SIPA1L1: variants seen among roughly 807,000 people sequenced by gnomAD.
SIPA1L1 encodes the protein signal induced proliferation associated 1 like 1.
In SIPA1L1, 26 loss-of-function variants were observed where a neutral mutation model predicts 162.7. That is an observed-to-expected ratio of 0.16 (90% confidence interval 0.12 to 0.22). The LOEUF is 0.22. SIPA1L1 is among the 10% of genes least tolerant of loss of function. SIPA1L1 has a pLI of 1.00. For missense variants in SIPA1L1, 1,874 were observed against 2,241.0 expected (o/e 0.84, Z 3.31); for synonymous variants, 829 against 837.4 (o/e 0.99, Z 0.17).
At chr14:71,638,952 T>A (rs2041434582) in intron 7 of SIPA1L1, among the ~76,000 whole-genome samples, 1 of 152,028 alleles carries the variant, frequency 6.6e-6, no homozygotes. Flanking sequence ...TAATCCCAGA[T>A]AGTCAGGAAG....
chr14:71,509,029 C>T (rs1403375025), intron 2 of SIPA1L1, among the ~76,000 whole-genome samples: 2 of 152,244 alleles, frequency 1.3e-5, no homozygotes, highest in East Asian at 3.8e-4. Context: ...CCTGCTGCTT[C>T]TCCCAGAATC....
intron 2 of SIPA1L1, among the ~76,000 whole-genome samples, chr14:71,382,821 G>T (rs928504262): frequency 1.3e-5 from 2 of 152,168 alleles, no homozygotes; most frequent in African/African-American, 4.8e-5. Context: ...AGATCAGTAA[G>T]ATATAGTTTC....
chr14:71,343,331 T>A (rs943334484), intron 2 of SIPA1L1, among the ~76,000 whole-genome samples: 6 of 152,232 alleles, frequency 3.9e-5, no homozygotes, highest in African/African-American at 1.4e-4. Flanking sequence ...AGCTGTTTCA[T>A]GTCAGGCGCT....
chr14:71,365,973 G>A (rs1232586953), intron 2 of SIPA1L1, among the ~76,000 whole-genome samples: 1 of 148,318 alleles, frequency 6.7e-6, no homozygotes, highest in Admixed American at 6.9e-5. Flanking sequence ...CCGTCCTCCT[G>A]CCTCTGCCTT....
intron 5 of SIPA1L1, among the ~76,000 whole-genome samples, chr14:71,610,742 A>G (rs1302735748): frequency 6.6e-6 from 1 of 152,166 alleles, no homozygotes; most frequent in East Asian, 1.9e-4. Context: ...GATGCAATTT[A>G]TTAATATCAA....
At chr14:71,327,201 G>A (rs2033934973) in intron 2 of SIPA1L1, among the ~76,000 whole-genome samples, 5 of 150,624 alleles carry the variant, frequency 3.3e-5, no homozygotes, top group Admixed American at 3.3e-4. Flanking sequence ...TCCTGCAACA[G>A]CCTCCTGAGT....
At position 71,552,230 on chromosome 14, in the gene SIPA1L1, G is replaced by A. The variant is rs186490948; in HGVS notation, c.-303+22860G>A. ...AAACTTTGAGATCTTGAAAGTTTTAGCAAGCAAGAACCAGTAAGTGGAAAT... is the reference window on the plus strand; with the variant it reads ...AAACTTTGAGATCTTGAAAGTTTTAACAAGCAAGAACCAGTAAGTGGAAAT... On this transcript the variant is annotated intron_variant, in intron 4 of 23. Coordinates refer to ENST00000381232, the MANE Select transcript of SIPA1L1 (RefSeq NM_001386936.1). 4.0e-4 allele frequency among the ~76,000 whole-genome samples: 61 copies of A among 152,230 alleles called. No homozygotes were observed. In the East Asian group the frequency reaches 9.3e-3, roughly 23 times the overall value.
intron 4 of SIPA1L1, among the ~76,000 whole-genome samples, chr14:71,584,757 A>G (rs965595108): frequency 6.6e-6 from 1 of 152,250 alleles, no homozygotes; most frequent in African/African-American, 2.4e-5. Context: ...CTTAGATAGT[A>G]TCTAGAGCTG....
chr14:71,427,710 G>A (rs2043680286), intron 2 of SIPA1L1, among the ~76,000 whole-genome samples: 1 of 151,754 alleles, frequency 6.6e-6, no homozygotes, highest in South Asian at 2.1e-4. Flanking sequence ...TTCCCTCAGT[G>A]GATTTTTCAT....
intron 2 of SIPA1L1, among the ~76,000 whole-genome samples, chr14:71,464,375 G>A (rs1038827533): frequency 6.6e-6 from 1 of 152,218 alleles, no homozygotes; most frequent in Admixed American, 6.5e-5. Flanking sequence ...AGGCATGGCA[G>A]CTCACGCCTG....
chr14:71,424,674 A>G (rs1302692427), intron 2 of SIPA1L1, among the ~76,000 whole-genome samples: 1 of 151,966 alleles, frequency 6.6e-6, no homozygotes, highest in African/African-American at 2.4e-5. Context: ...CAGTTTGCCA[A>G]TATTTTGTTG....
At chr14:71,433,359 C>T (rs111688124) in intron 2 of SIPA1L1, among the ~76,000 whole-genome samples, 70 of 152,274 alleles carry the variant, frequency 4.6e-4, no homozygotes, top group African/African-American at 1.5e-3. Flanking sequence ...TTCTCTTTTC[C>T]GGACTGGAGT....
At position 71,587,990 on chromosome 14, in the gene SIPA1L1, C is replaced by A; in HGVS notation, c.118C>A (p.Arg40=). Residue 40 remains arginine, a synonymous_variant, in exon 5 of 24, where the codon CGG becomes AGG. Transcript: ENST00000381232. ...HTDDFYMRRF[R]SQNGSLGSSV... is the part of the protein sequence containing the mutation. ...TGATGATTTCTACATGCGGCGCTTCCGGTCCCAAAATGGCAGCTTAGGATC... is the reference window on the plus strand; with the variant it reads ...TGATGATTTCTACATGCGGCGCTTCAGGTCCCAAAATGGCAGCTTAGGATC... The A allele has an allele frequency of 1.2e-6, 2 of 1,614,092 alleles. No individual in the cohort carries two copies. The highest frequency in any genetic ancestry group is 2.2e-5 in the South Asian group (2 of 91,078).
At chr14:71,573,756 C>T (rs764473025) in intron 4 of SIPA1L1, 2 of 455,796 alleles carry the variant, frequency 4.4e-6, no homozygotes, top group Admixed American at 2.4e-5. Context: ...TTATCTCTAG[C>T]GACATGTCTA....
chr14:71,447,784 G>A (rs2045523304), intron 2 of SIPA1L1, among the ~76,000 whole-genome samples: 1 of 151,934 alleles, frequency 6.6e-6, no homozygotes, highest in African/African-American at 2.4e-5. Context: ...GCTCAGGCTG[G>A]TCTCGAACTC....
intron 2 of SIPA1L1, among the ~76,000 whole-genome samples, chr14:71,431,245 C>G (rs2043964598): frequency 6.6e-6 from 1 of 152,174 alleles, no homozygotes; most frequent in African/African-American, 2.4e-5. Flanking sequence ...TAATTCACAT[C>G]TTTTCATATG....
chr14:71,542,308 C>T (rs964898041), intron 4 of SIPA1L1, among the ~76,000 whole-genome samples: 1 of 150,518 alleles, frequency 6.6e-6, no homozygotes, highest in Non-Finnish European at 1.5e-5. Flanking sequence ...CCTCTTCCTC[C>T]TCCTCCTCTT....
At chr14:71,723,507 G>A in intron 17 of SIPA1L1, 140 bp from the exon 18 acceptor site, 3 of 872,486 alleles carry the variant, frequency 3.4e-6, no homozygotes, top group African/African-American at 1.7e-5. Context: ...AAGCCAGGAA[G>A]GCCAGCCAGG....
chr14:71,433,156 T>A (rs531387054), intron 2 of SIPA1L1, among the ~76,000 whole-genome samples: 5 of 152,332 alleles, frequency 3.3e-5, no homozygotes, highest in African/African-American at 1.2e-4. Flanking sequence ...GAACTCTGAG[T>A]TTCTGGAGTT....
Sources: gnomAD v4.1 joint callset for allele counts (sites outside exome capture counted in the v4.1 genomes callset) on GRCh38, gnomAD v4.1.1 for gene constraint, MANE v1.5 for transcripts, NCBI Gene and HGNC (gene_info 2026-07-23, HGNC 2026-07-21) for gene names.